The following CD34 variants were observed in gnomAD, a reference collection of about 807,000 sequenced individuals.
CD34 encodes CD34 molecule, also known as hematopoietic progenitor cell antigen CD34.
A neutral mutation model predicts 40.1 loss-of-function variants in CD34; 34 were observed. The observed-to-expected ratio is 0.85, with a 90% CI of 0.65 to 1.13. The LOEUF (loss-of-function observed/expected upper bound fraction) is 1.13, where lower values mean the gene tolerates loss of function less well. Among genes scored for constraint, CD34 ranks in the 50% most tolerant of loss-of-function variants. The pLI is 0.00. For synonymous variants in CD34, 209 were observed against 190.0 expected (o/e 1.10, Z -0.82); for missense variants, 426 against 466.9 (o/e 0.91, Z 0.81).
chr1:207,889,885 T>C, intron 4 of CD34: 1 of 1,543,820 alleles, frequency 6.5e-7, no homozygotes, highest in Non-Finnish European at 8.7e-7. Context: ...AAAAATTGTC[T>C]CGTTGAAGCA....
chr1:207,901,957 G>A (rs963926118), intron 1 of CD34, among the ~76,000 whole-genome samples: 1 of 152,160 alleles, frequency 6.6e-6, no homozygotes, highest in African/African-American at 2.4e-5. Context: ...AAGGTAGAAT[G>A]ACATCTCTTG....
At chr1:207,895,421 G>A (rs1360440527) in intron 4 of CD34, among the ~76,000 whole-genome samples, 3 of 152,150 alleles carry the variant, frequency 2.0e-5, no homozygotes, top group Non-Finnish European at 4.4e-5. Context: ...CTGCCACAGA[G>A]TTGCTTTATG....
rs987626228 is a variant in CD34, at chr1:207,886,269, A to G, written c.*1469T>C. On this transcript the variant is annotated 3_prime_UTR_variant, in exon 8 of 8. Coordinates refer to ENST00000310833, the MANE Select transcript of CD34 (RefSeq NM_001025109.2). ...AGGGTACAGCTCCTAAGAACCCAAC[A>G]TACCACCCTCCATTTGGAAGCTCCC... The G allele has an allele frequency of 6.6e-6, 1 of 152,140 alleles. No individual in the cohort carries two copies. Among genetic ancestry groups the G allele is most frequent in the Non-Finnish European group, 1.5e-5 (1 of 68,042 alleles). The allele number at this position is 152,140 out of a possible 1,614,324, so 9.4% of individuals were successfully genotyped here.
At chr1:207,893,053 G>A (rs1195000749) in intron 4 of CD34, among the ~76,000 whole-genome samples, 6 of 152,136 alleles carry the variant, frequency 3.9e-5, no homozygotes, top group African/African-American at 1.4e-4. Context: ...CGGACACTTG[G>A]AATAAACATC....
In CD34 at chr1:207,887,877, C is replaced by G; in HGVS notation, c.1019G>C (p.Ser340Thr). 6.2e-7 allele frequency: 1 copy of G among 1,614,148 alleles called. No homozygotes were observed. The highest frequency in any genetic ancestry group is 8.5e-7 in the Non-Finnish European group (1 of 1,180,016). Residue 340 changes from serine to threonine, a missense_variant, in exon 8 of 8, where the codon AGC becomes ACC. By Grantham distance (58) the Ser-to-Thr change is moderately conservative. Transcript: ENST00000310833. ...CTCAGGGGAGGTCCCAGGTCCTGAGCTATAGCCCTGGCCTCCACCGTTTTC... is the reference window on the plus strand; with the variant it reads ...CTCAGGGGAGGTCCCAGGTCCTGAGGTATAGCCCTGGCCTCCACCGTTTTC... ...YTENGGGQGYSSGPGTSPEAQ... is the reference protein window; with the variant it reads ...YTENGGGQGYTSGPGTSPEAQ...
chr1:207,903,969 C>T (rs1662328375), intron 1 of CD34, among the ~76,000 whole-genome samples: 1 of 150,942 alleles, frequency 6.6e-6, no homozygotes, highest in South Asian at 2.1e-4. Flanking sequence ...GTTCATGATA[C>T]ATCTGAGTCA....
chr1:207,903,570 G>T (rs1662320827), intron 1 of CD34, among the ~76,000 whole-genome samples: 2 of 152,206 alleles, frequency 1.3e-5, no homozygotes, highest in Non-Finnish European at 2.9e-5. Context: ...CTCAACTTAT[G>T]AACTGGGAGC....
At chr1:207,905,190 C>A (rs1662350760) in intron 1 of CD34, among the ~76,000 whole-genome samples, 1 of 152,228 alleles carries the variant, frequency 6.6e-6, no homozygotes, top group African/African-American at 2.4e-5. Flanking sequence ...GGCTGGAGTG[C>A]AGTGGCACGA....
intron 1 of CD34, among the ~76,000 whole-genome samples, chr1:207,901,014 TAAG>T (rs1662262737): frequency 6.6e-6 from 1 of 151,088 alleles, no homozygotes; most frequent in Non-Finnish European, 1.5e-5. Flanking sequence ...TTTTTTTTTT[TAAG>T]ACAGGGTCTT....
intron 4 of CD34, among the ~76,000 whole-genome samples, chr1:207,896,995 G>A (rs1344192261): frequency 6.6e-6 from 1 of 151,952 alleles, no homozygotes; most frequent in Non-Finnish European, 1.5e-5. Context: ...ATAATGTTAG[G>A]AAAAACGGTT....
Position 207,897,477 on chromosome 1 carries a change from T to TG in CD34, c.597+15dup, listed in dbSNP as rs760597762. On this transcript the variant is annotated intron_variant, in intron 4 of 7. Coordinates refer to ENST00000310833, the MANE Select transcript of CD34 (RefSeq NM_001025109.2). ...ACAGGGGCGGGAGGAAGAGGTTGGG[T>TG]GGGGGGTTGACTTACACAGCTGGAG... 926 of 1,540,072 alleles carry TG rather than the reference T, an allele frequency of 6.0e-4. 9 individuals are homozygous for TG. Among genetic ancestry groups the TG allele is most frequent in the Non-Finnish European group, 1.3e-4 (145 of 1,135,704 alleles).
Position 207,883,685 on chromosome 1 carries a change from A to G in CD34, c.*4053T>C, listed in dbSNP as rs1195993915. 7 of 152,228 alleles carry G rather than the reference A, an allele frequency of 4.6e-5. No individual in the cohort carries two copies. The highest frequency in any genetic ancestry group is 1.0e-4 in the Non-Finnish European group (7 of 68,034). The allele number at this position is 152,228 out of a possible 1,614,324, so 9.4% of individuals were successfully genotyped here. A position where few individuals can be genotyped will look rare whatever the true frequency, so the allele number is the denominator to read the frequency against. Reference sequence around the variant, plus strand: ...AATATGCTATTTAAATATTGGCACCATATCTCAATTTTCATACAGTAAGCA... The same window carrying G: ...AATATGCTATTTAAATATTGGCACCGTATCTCAATTTTCATACAGTAAGCA... On this transcript the variant is annotated 3_prime_UTR_variant, in exon 8 of 8. Transcript: ENST00000310833.
At chr1:207,906,572 C>T (rs1025214711) in intron 1 of CD34, among the ~76,000 whole-genome samples, 1 of 152,188 alleles carries the variant, frequency 6.6e-6, no homozygotes, top group Non-Finnish European at 1.5e-5. Context: ...TGGCCAGACA[C>T]CATGGCTCAC....
intron 3 of CD34, 145 bp downstream of exon 3, chr1:207,898,828 T>C (rs1662204489): frequency 1.1e-6 from 1 of 879,462 alleles, no homozygotes; most frequent in Non-Finnish European, 1.8e-6. Flanking sequence ...CCCAGCAATA[T>C]TTAAACTGTG....
At chr1:207,889,697 T>A in intron 4 of CD34, 76 bp from the exon 5 acceptor site, 1 of 1,608,206 alleles carries the variant, frequency 6.2e-7, no homozygotes, top group Non-Finnish European at 8.5e-7. Flanking sequence ...GAGTCTCTGA[T>A]TACAGTCATA....
At position 207,883,574 on chromosome 1, in the gene CD34, A is replaced by G. The variant is rs1342154431; in HGVS notation, c.*4164T>C. ...TTGCCTCTGCCACTGTGCACGTAAC[A>G]CAGTCCCTTGTTATTCTCTGAGTTT... On this transcript the variant is annotated 3_prime_UTR_variant, in exon 8 of 8. Coordinates refer to ENST00000310833, the MANE Select transcript of CD34 (RefSeq NM_001025109.2). The G allele has an allele frequency of 2.0e-5, 3 of 152,206 alleles. No individual in the cohort carries two copies. 9.4% of individuals were successfully genotyped at this position (152,206 alleles called of 1,614,324 possible).
At chr1:207,892,690 T>A (rs1026506082) in intron 4 of CD34, among the ~76,000 whole-genome samples, 1 of 152,106 alleles carries the variant, frequency 6.6e-6, no homozygotes, top group Non-Finnish European at 1.5e-5. Flanking sequence ...ATATACCATA[T>A]CATCTAGAGT....
chr1:207,908,392 G>A (rs1662431130), intron 1 of CD34, among the ~76,000 whole-genome samples: 1 of 152,274 alleles, frequency 6.6e-6, no homozygotes, highest in African/African-American at 2.4e-5. Context: ...ATTAGTCAGA[G>A]GTCCCCAAGC....
rs1405266217 is a variant in CD34, at chr1:207,882,274, A to G, written c.*5464T>C. On this transcript the variant is annotated 3_prime_UTR_variant, in exon 8 of 8. Coordinates refer to ENST00000310833, the MANE Select transcript of CD34 (RefSeq NM_001025109.2). Reference sequence around the variant, plus strand: ...GAAGCCTGAACTTCTAACCTGGGCCAGCAATAATGAGGTACCCCCTTCACC... The same window carrying G: ...GAAGCCTGAACTTCTAACCTGGGCCGGCAATAATGAGGTACCCCCTTCACC... The G allele has an allele frequency of 6.6e-6, 1 of 152,304 alleles. No homozygotes were observed. Among genetic ancestry groups the G allele is most frequent in the African/African-American group, 2.4e-5 (1 of 41,466 alleles). 9.4% of individuals were successfully genotyped at this position (152,304 alleles called of 1,614,324 possible).
Sources: allele counts gnomAD v4.1 joint callset (sites outside exome capture counted in the v4.1 genomes callset), GRCh38; gene constraint gnomAD v4.1.1; transcripts MANE v1.5; gene names NCBI Gene and HGNC (gene_info 2026-07-23, HGNC 2026-07-21).